TNFSF4: variants seen among roughly 807,000 people sequenced by gnomAD.
TNFSF4 encodes tumor necrosis factor ligand superfamily member 4.
In TNFSF4, 4 loss-of-function variants were observed where a neutral mutation model predicts 7.3. The ratio of observed to expected loss-of-function variants is 0.55; its 90% CI spans 0.27 to 1.25. TNFSF4 has a LOEUF of 1.25. Ranked by LOEUF, TNFSF4 falls within the 50% of genes most tolerant of loss-of-function variation. The pLI is 0.12. For missense variants in TNFSF4, 181 were observed against 208.8 expected (o/e 0.87, Z 0.82); for synonymous variants, 76 against 83.7 (o/e 0.91, Z 0.50).
chr1:173,342,186 C>T, the TNFSF4 span, among the ~76,000 whole-genome samples: 1 of 152,266 alleles, frequency 6.6e-6, no homozygotes, highest in South Asian at 2.1e-4. Flanking sequence ...TACAAGGAAT[C>T]CTTGGTAAAT....
the TNFSF4 span, among the ~76,000 whole-genome samples, chr1:173,382,136 C>G: frequency 2.6e-5 from 4 of 152,174 alleles, no homozygotes; most frequent in East Asian, 7.7e-4. Context: ...CCTTTATGAG[C>G]TGTAACACTC....
the TNFSF4 span, among the ~76,000 whole-genome samples, chr1:173,254,582 C>T: frequency 6.6e-6 from 1 of 152,100 alleles, no homozygotes; most frequent in Non-Finnish European, 1.5e-5. Context: ...CCTGTTGGGA[C>T]TTAGTAAAAG....
chr1:173,248,517 AGAAG>A, the TNFSF4 span, among the ~76,000 whole-genome samples: 1 of 151,808 alleles, frequency 6.6e-6, no homozygotes, highest in African/African-American at 2.4e-5. Context: ...AGAAAGAGAA[AGAAG>A]GAAGGAAGGA....
chr1:173,225,875 T>C, the TNFSF4 span, among the ~76,000 whole-genome samples: 1 of 152,224 alleles, frequency 6.6e-6, no homozygotes, highest in South Asian at 2.1e-4. Flanking sequence ...TGGAGAATCA[T>C]ACCAACTACA....
the TNFSF4 span, among the ~76,000 whole-genome samples, chr1:173,237,176 TG>T: frequency 6.6e-6 from 1 of 152,214 alleles, no homozygotes; most frequent in African/African-American, 2.4e-5. Context: ...CCCAGCCATG[TG>T]GAATTGTGCG....
chr1:173,334,498 T>C, the TNFSF4 span, among the ~76,000 whole-genome samples: 1 of 152,236 alleles, frequency 6.6e-6, no homozygotes, highest in Non-Finnish European at 1.5e-5. Context: ...TTATGTTCTG[T>C]AGCCACAGGG....
At chr1:173,204,921 AC>A (rs1650116282) in intron 1 of TNFSF4, among the ~76,000 whole-genome samples, 6 of 110,812 alleles carry the variant, frequency 5.4e-5, no homozygotes, top group Admixed American at 3.5e-4. Context: ...ACACACACAC[AC>A]AAACACACAC....
chr1:173,265,007 T>C, the TNFSF4 span, among the ~76,000 whole-genome samples: 1 of 152,160 alleles, frequency 6.6e-6, no homozygotes. Context: ...ATGCTTTGCT[T>C]TTGATGGAAA....
At chr1:173,390,676 G>T in the TNFSF4 span, among the ~76,000 whole-genome samples, 1 of 150,992 alleles carries the variant, frequency 6.6e-6, no homozygotes, top group South Asian at 2.1e-4. Flanking sequence ...TTGTAAGCAA[G>T]TGGAAAGACA....
At chr1:173,385,364 A>AT in the TNFSF4 span, among the ~76,000 whole-genome samples, 1 of 152,258 alleles carries the variant, frequency 6.6e-6, no homozygotes, top group African/African-American at 2.4e-5. Flanking sequence ...AGAAAAAACT[A>AT]TAAGAAATAT....
At chr1:173,252,232 A>G in the TNFSF4 span, among the ~76,000 whole-genome samples, 1 of 152,176 alleles carries the variant, frequency 6.6e-6, no homozygotes, top group South Asian at 2.1e-4. Flanking sequence ...AAAATAGAAA[A>G]GAAAGGAGGG....
the TNFSF4 span, among the ~76,000 whole-genome samples, chr1:173,229,584 A>G: frequency 6.6e-6 from 1 of 152,250 alleles, no homozygotes; most frequent in African/African-American, 2.4e-5. Context: ...ACATAACAAT[A>G]TTAACCTTAA....
the TNFSF4 span, among the ~76,000 whole-genome samples, chr1:173,379,430 G>A: frequency 6.6e-6 from 1 of 152,158 alleles, no homozygotes; most frequent in Admixed American, 6.5e-5. Context: ...ATAACTCAGG[G>A]AAAGGAAGAA....
At chr1:173,448,407 AGAATCTTTTTC>A in the TNFSF4 span, among the ~76,000 whole-genome samples, 5 of 152,226 alleles carry the variant, frequency 3.3e-5, no homozygotes, top group African/African-American at 1.2e-4. Context: ...AGTCATACAA[AGAATCTTTTTC>A]ATGCGCGTCC....
the TNFSF4 span, among the ~76,000 whole-genome samples, chr1:173,280,784 G>C: frequency 2.0e-5 from 3 of 152,038 alleles, no homozygotes; most frequent in African/African-American, 7.2e-5. Context: ...AGATCTCATT[G>C]ACTGGTGTTT....
At chr1:173,269,630 T>C in the TNFSF4 span, among the ~76,000 whole-genome samples, 7 of 152,104 alleles carry the variant, frequency 4.6e-5, no homozygotes, top group Admixed American at 2.0e-4. Context: ...ATGGACAGCA[T>C]AGACACACTG....
At chr1:173,408,272 T>G in the TNFSF4 span, among the ~76,000 whole-genome samples, 8 of 152,164 alleles carry the variant, frequency 5.3e-5, no homozygotes, top group South Asian at 1.5e-3. Flanking sequence ...CAAGGACATG[T>G]ACAAAGAATG....
At chr1:173,198,701 G>A (rs1356568486) in intron 1 of TNFSF4, among the ~76,000 whole-genome samples, 1 of 152,174 alleles carries the variant, frequency 6.6e-6, no homozygotes, top group Non-Finnish European at 1.5e-5. Flanking sequence ...AAACCCCTAT[G>A]ACACACAGTT....
At chr1:173,200,140 A>C (rs2101996099) in intron 1 of TNFSF4, among the ~76,000 whole-genome samples, 1 of 152,356 alleles carries the variant, frequency 6.6e-6, no homozygotes, top group East Asian at 1.9e-4. Context: ...AAAGAAAATG[A>C]ATTTTAAAAA....
Sources: allele counts gnomAD v4.1 joint callset (sites outside exome capture counted in the v4.1 genomes callset), GRCh38; gene constraint gnomAD v4.1.1; transcripts MANE v1.5; gene names NCBI Gene and HGNC (gene_info 2026-07-23, HGNC 2026-07-21).